IPMK: variants seen among roughly 807,000 people sequenced by gnomAD.
IPMK encodes the protein inositol 1,3,4,6-tetrakisphosphate 5-kinase.
A neutral mutation model predicts 45.8 loss-of-function variants in IPMK; 17 were observed. The ratio of observed to expected loss-of-function variants is 0.37; its 90% CI spans 0.25 to 0.56. IPMK has a LOEUF of 0.56. Ranked by LOEUF, IPMK falls within the 20% of genes least tolerant of loss-of-function variation. IPMK has a pLI of 0.79. For synonymous variants in IPMK, 180 were observed against 184.3 expected, an observed-to-expected ratio of 0.98 and a Z score of 0.19; for missense variants, 399 against 498.0, an observed-to-expected ratio of 0.80 and a Z score of 1.89.
chr10:58,195,971 G>A lies in IPMK; in HGVS notation c.*105C>T, dbSNP rs1022582670. 4 of 1,050,460 alleles carry A rather than the reference G, an allele frequency of 3.8e-6. No homozygotes were observed. The highest frequency in any genetic ancestry group is 5.6e-6 in the Non-Finnish European group (4 of 718,148). The allele number at this position is 1,050,460 out of a possible 1,614,324, so 65.1% of individuals were successfully genotyped here. On this transcript the variant is annotated 3_prime_UTR_variant, in exon 6 of 6. Transcript: ENST00000373935. ...CCAAAAGTATAAAGACAAATAAAAT[G>A]TCGACTCATAATACAAATTTTTTAC...
chr10:58,213,425 C>T (rs1243877785), intron 4 of IPMK, among the ~76,000 whole-genome samples: 1 of 152,224 alleles, frequency 6.6e-6, no homozygotes, highest in African/African-American at 2.4e-5. Flanking sequence ...TGGCTCACGC[C>T]TGTAATCCCA....
intron 1 of IPMK, among the ~76,000 whole-genome samples, chr10:58,263,539 G>C (rs965725987): frequency 6.7e-6 from 1 of 150,000 alleles, no homozygotes; most frequent in African/African-American, 2.5e-5. Flanking sequence ...AAAAAAATTA[G>C]CCTGGCCTAG....
intron 2 of IPMK, among the ~76,000 whole-genome samples, chr10:58,233,448 G>A (rs1030078784): frequency 6.6e-6 from 1 of 152,132 alleles, no homozygotes; most frequent in African/African-American, 2.4e-5. Context: ...ACCAAATCCA[G>A]CAGCACATCA....
intron 2 of IPMK, among the ~76,000 whole-genome samples, chr10:58,232,090 C>T (rs1332369629): frequency 3.3e-5 from 5 of 152,134 alleles, no homozygotes; most frequent in Non-Finnish European, 7.4e-5. Context: ...AAGGCCATTA[C>T]ACAATAGTAA....
intron 1 of IPMK, among the ~76,000 whole-genome samples, chr10:58,259,256 G>A (rs921047258): frequency 2.0e-5 from 3 of 152,198 alleles, no homozygotes; most frequent in African/African-American, 4.8e-5. Context: ...TTTCAGGGCC[G>A]AGACAGGGAA....
In IPMK at chr10:58,267,829, C is replaced by T; in HGVS notation, c.-218G>A. ...CTCGGCGGAACGCGGCTCCCGGCTC[C>T]TGTTCCTCTGCCGCCGCAGCCGCCG... On this transcript the variant is annotated 5_prime_UTR_variant, in exon 1 of 6. Transcript: ENST00000373935. The T allele has an allele frequency of 2.0e-6, 1 of 493,004 alleles. No homozygotes were observed. The highest frequency in any genetic ancestry group is 3.5e-6 in the Non-Finnish European group (1 of 281,912). The allele number at this position is 493,004 out of a possible 1,614,324, so 30.5% of individuals were successfully genotyped here.
chr10:58,233,449 C>T (rs1337462715), intron 2 of IPMK, among the ~76,000 whole-genome samples: 1 of 152,172 alleles, frequency 6.6e-6, no homozygotes, highest in East Asian at 1.9e-4. Context: ...CCAAATCCAG[C>T]AGCACATCAA....
intron 3 of IPMK, among the ~76,000 whole-genome samples, chr10:58,218,631 A>T (rs1838284210): frequency 6.6e-6 from 1 of 152,214 alleles, no homozygotes; most frequent in Non-Finnish European, 1.5e-5. Flanking sequence ...CAAGTTGTAT[A>T]TGGGAGTATA....
rs191855724 is a variant in IPMK at position 58,198,139 on chromosome 10, T to C, written c.628+1101A>G. ...AATTATTTTTTAATGGTACCATTAC[T>C]AAATACCAAACCATAACTCTACCAT... On this transcript the variant is annotated intron_variant, in intron 5 of 5. Transcript: ENST00000373935. Among the ~76,000 whole-genome samples the C allele has an allele frequency of 8.7e-3, 1,331 of 152,338 alleles. 18 individuals carry two copies. The highest frequency in any genetic ancestry group is 0.03 in the African/African-American group (1,255 of 41,580).
At chr10:58,217,704 AAAAAAG>A (rs1307914790) in intron 3 of IPMK, among the ~76,000 whole-genome samples, 1 of 151,104 alleles carries the variant, frequency 6.6e-6, no homozygotes, top group East Asian at 1.9e-4. Context: ...AAAAAAAAAA[AAAAAAG>A]AATCATCTCA....
At chr10:58,243,243 A>G (rs1389194191) in intron 1 of IPMK, among the ~76,000 whole-genome samples, 1 of 152,210 alleles carries the variant, frequency 6.6e-6, no homozygotes, top group Non-Finnish European at 1.5e-5. Context: ...GGTAAAAAAA[A>G]AGGGGTATAG....
In IPMK at chr10:58,194,983, A is replaced by G. The variant is rs1837870467; in HGVS notation, c.*1093T>C. The G allele has an allele frequency of 6.6e-6, 1 of 152,018 alleles. No individual in the cohort carries two copies. Among genetic ancestry groups the G allele is most frequent in the Non-Finnish European group, 1.5e-5 (1 of 67,874 alleles). The allele number at this position is 152,018 out of a possible 1,614,324, so 9.4% of individuals were successfully genotyped here. ...GTCAACATAATATAAAACTGTTTTG[A>G]GGAAGAGTGAAATAGAAGCATGAAT... On this transcript the variant is annotated 3_prime_UTR_variant, in exon 6 of 6. Coordinates refer to ENST00000373935, the MANE Select transcript of IPMK (RefSeq NM_152230.5).
In IPMK at chr10:58,196,482, TG is replaced by T; in HGVS notation, c.844del (p.Gln282AsnfsTer8). 1 of 1,614,142 alleles carries T rather than the reference TG, an allele frequency of 6.2e-7. No individual in the cohort carries two copies. The highest frequency in any genetic ancestry group is 8.5e-7 in the Non-Finnish European group (1 of 1,180,010). On this transcript the variant is annotated frameshift_variant, in exon 6 of 6. Transcript: ENST00000373935. LOFTEE classifies it high-confidence loss of function. ...TLAEKFLSKG[Q>X]LSDTEVLEYN... ...CTCTAGTACTTCTGTGTCTGACAGT[TG>T]TCCTTTGGACAAAAACTTTTCTGCC... is the stretch of plus-strand genomic sequence containing the variant.
At chr10:58,215,318 G>T (rs749618578) in intron 4 of IPMK, among the ~76,000 whole-genome samples, 5 of 151,668 alleles carry the variant, frequency 3.3e-5, no homozygotes, top group Admixed American at 6.6e-5. Flanking sequence ...AGCTCAAATT[G>T]CAAATTCACA....
chr10:58,236,091 G>C (rs111231719), intron 2 of IPMK, among the ~76,000 whole-genome samples: 1 of 136,514 alleles, frequency 7.3e-6, no homozygotes, highest in Non-Finnish European at 1.5e-5. Context: ...ACCCACAGTG[G>C]GTTAATTCTT....
At chr10:58,266,206 A>T (rs200010483) in intron 1 of IPMK, among the ~76,000 whole-genome samples, 1 of 73,444 alleles carries the variant, frequency 1.4e-5, no homozygotes, top group Admixed American at 1.1e-4. Flanking sequence ...CAAGGCTATG[A>T]GAGAATACAG....
intron 2 of IPMK, among the ~76,000 whole-genome samples, chr10:58,227,345 T>A (rs1838434109): frequency 6.6e-6 from 1 of 152,252 alleles, no homozygotes; most frequent in Non-Finnish European, 1.5e-5. Context: ...TATCTAATTC[T>A]AGCCTTTTAC....
rs182861646 is a variant in IPMK, at chr10:58,203,507, G to A, written c.547-4186C>T. 3.9e-5 allele frequency among the ~76,000 whole-genome samples: 6 copies of A among 152,100 alleles called. No homozygotes were observed. In the East Asian group the frequency reaches 1.2e-3, roughly 29 times the overall value. ...AATTTTTGTATTCTTTTGTAGACGG[G>A]GTTTCACCATGTTGCCCAGGCTGTT... On this transcript the variant is annotated intron_variant, in intron 4 of 5. Coordinates refer to ENST00000373935, the MANE Select transcript of IPMK (RefSeq NM_152230.5).
intron 1 of IPMK, among the ~76,000 whole-genome samples, chr10:58,248,961 A>G (rs1838844340): frequency 6.6e-6 from 1 of 152,230 alleles, no homozygotes; most frequent in Non-Finnish European, 1.5e-5. Flanking sequence ...TTGATTCTAT[A>G]TCTTGGCTAT....
Sources: allele counts gnomAD v4.1 joint callset (sites outside exome capture counted in the v4.1 genomes callset), GRCh38; gene constraint gnomAD v4.1.1; transcripts MANE v1.5; gene names NCBI Gene and HGNC (gene_info 2026-07-23, HGNC 2026-07-21).